The following NEDD4L variants were observed in gnomAD, a reference collection of about 807,000 sequenced individuals.
The protein encoded by NEDD4L is E3 ubiquitin-protein ligase NEDD4-like.
Under a neutral mutation model 148.9 loss-of-function variants are expected in NEDD4L, and 54 were observed. That is an observed-to-expected ratio of 0.36 (90% confidence interval 0.29 to 0.45). NEDD4L has a LOEUF of 0.45. Ranked by LOEUF, NEDD4L falls within the 20% of genes least tolerant of loss-of-function variation. The pLI is 1.00. For synonymous variants in NEDD4L, 433 were observed against 440.7 expected (o/e 0.98, Z 0.22); for missense variants, 856 against 1,233.8 (o/e 0.69, Z 4.59).
At position 58,188,971 on chromosome 18, in the gene NEDD4L, G is replaced by A. The variant is rs573764599; in HGVS notation, c.122+23110G>A. The stretch of plus-strand genomic sequence containing the variant: ...CTTCTCTCCCGGGCCACTTTGTCAT[G>A]AGCAGGATTTTGAACCAAGACCTTT... On this transcript the variant is annotated intron_variant, in intron 2 of 30. Transcript: ENST00000400345. 4.6e-5 allele frequency among the ~76,000 whole-genome samples: 7 copies of A among 152,068 alleles called. No individual in the cohort carries two copies. The South Asian group carries it at 8.3e-4, about 18-fold the overall frequency.
chr18:58,047,412 A>T, intron 1 of NEDD4L: 1 of 984,668 alleles, frequency 1.0e-6, no homozygotes, highest in Non-Finnish European at 1.2e-6. Flanking sequence ...ACTGCTGATG[A>T]TGAAGCATTG....
chr18:58,281,949 C>T (rs1325550747), intron 5 of NEDD4L, among the ~76,000 whole-genome samples: 3 of 150,960 alleles, frequency 2.0e-5, no homozygotes, highest in African/African-American at 4.9e-5. Flanking sequence ...GGCATGAACC[C>T]GGGAGGCGGA....
At position 58,240,815 on chromosome 18, in the gene NEDD4L, T is replaced by TTATATATG. The variant is rs1555757964; in HGVS notation, c.123-4609_123-4608insATATGTAT. On this transcript the variant is annotated intron_variant, in intron 2 of 30. Transcript: ENST00000400345. ...GGAGGATGATGGCGGCAGCTAACAT[T>TTATATATG]TATGTATGTATGTATGTATTTAGAG... 2.7e-5 allele frequency among the ~76,000 whole-genome samples: 4 copies of TTATATATG among 150,790 alleles called. No individual in the cohort carries two copies. The East Asian group carries it at 7.8e-4, about 30-fold the overall frequency.
At chr18:58,345,747 A>AT (rs1485432242) in intron 16 of NEDD4L, among the ~76,000 whole-genome samples, 6 of 151,438 alleles carry the variant, frequency 4.0e-5, no homozygotes, top group Non-Finnish European at 8.8e-5. Flanking sequence ...TTTAATTATT[A>AT]TTTTTTTTGT....
intron 24 of NEDD4L, among the ~76,000 whole-genome samples, chr18:58,375,231 C>T (rs577697891): frequency 9.1e-4 from 139 of 152,118 alleles, no homozygotes; most frequent in Non-Finnish European, 1.6e-3. Flanking sequence ...AGCCCTGCTC[C>T]GATCACTTCT....
In NEDD4L at chr18:58,126,329, T is replaced by C. The variant is rs191627836; in HGVS notation, c.49-39459T>C. Among the ~76,000 whole-genome samples, 4 of 152,260 alleles carry C rather than the reference T, an allele frequency of 2.6e-5. No homozygotes were observed. The East Asian group carries it at 7.7e-4, about 29-fold the overall frequency. On this transcript the variant is annotated intron_variant, in intron 1 of 30. Coordinates refer to ENST00000400345, the MANE Select transcript of NEDD4L (RefSeq NM_001144967.3). ...TCCCCTGAGCCCCTGGAGAACCCTA[T>C]CTTTCTGTCTCTGTAGGTGTGCTGA...
intron 5 of NEDD4L, among the ~76,000 whole-genome samples, chr18:58,315,175 T>C (rs369455011): frequency 1.6e-3 from 239 of 152,282 alleles, no homozygotes; most frequent in African/African-American, 5.6e-3. Context: ...TCCAGTTTGC[T>C]TCTCGGGTCA....
chr18:58,387,234 C>G (rs1026790320), intron 26 of NEDD4L, among the ~76,000 whole-genome samples: 1 of 152,192 alleles, frequency 6.6e-6, no homozygotes, highest in Non-Finnish European at 1.5e-5. Flanking sequence ...CTTGAATCTT[C>G]TAGATTCTAT....
At chr18:58,045,095 A>T in intron 1 of NEDD4L, 2 of 400,000 alleles carry the variant, frequency 5.0e-6, no homozygotes, top group Non-Finnish European at 8.8e-6. Context: ...GATGCATGTC[A>T]CGTCTGGGTC....
At position 58,096,361 on chromosome 18, in the gene NEDD4L, AT is replaced by A. The variant is rs773990327; in HGVS notation, c.48+51657del. 3.9e-4 allele frequency among the ~76,000 whole-genome samples: 25 copies of A among 63,896 alleles called. 1 individual carries two copies. The highest frequency in any genetic ancestry group is 2.4e-3 in the African/African-American group (24 of 9,852). The allele number at this position is 63,896 out of a possible 152,430, so 41.9% of individuals were successfully genotyped here. On this transcript the variant is annotated intron_variant, in intron 1 of 30. Coordinates refer to ENST00000400345, the MANE Select transcript of NEDD4L (RefSeq NM_001144967.3). Reference sequence around the variant, plus strand: ...TATTTTATTTTATTTATTTTATTTTATTTTATTTTATTTTATTTTATTTTAT... The same window carrying A: ...TATTTTATTTTATTTATTTTATTTTATTTATTTTATTTTATTTTATTTTAT...
intron 20 of NEDD4L, among the ~76,000 whole-genome samples, chr18:58,364,626 C>T (rs1168101531): frequency 6.6e-6 from 1 of 152,066 alleles, no homozygotes; most frequent in Non-Finnish European, 1.5e-5. Context: ...ATTCAGAACC[C>T]TAGTCACAAA....
At chr18:58,251,767 G>A (rs1157920640) in intron 4 of NEDD4L, among the ~76,000 whole-genome samples, 2 of 152,150 alleles carry the variant, frequency 1.3e-5, no homozygotes, top group Non-Finnish European at 2.9e-5. Context: ...TAGAAAAACA[G>A]CTAAGAGCCT....
At chr18:58,310,037 C>G (rs964551811) in intron 5 of NEDD4L, among the ~76,000 whole-genome samples, 23 of 152,092 alleles carry the variant, frequency 1.5e-4, no homozygotes, top group Middle Eastern at 3.2e-3. Flanking sequence ...CTCGCTCTCA[C>G]TCTCACTCTT....
intron 20 of NEDD4L, among the ~76,000 whole-genome samples, chr18:58,365,108 C>T (rs1568858725): frequency 6.6e-6 from 1 of 152,224 alleles, no homozygotes; most frequent in East Asian, 1.9e-4. Context: ...CTGGTTCCTC[C>T]TGCCCGGGAA....
At chr18:58,355,084 G>A (rs547425315) in intron 18 of NEDD4L, among the ~76,000 whole-genome samples, 1 of 152,332 alleles carries the variant, frequency 6.6e-6, no homozygotes, top group Non-Finnish European at 1.5e-5. Flanking sequence ...AGCTCCCAGG[G>A]GATTTCCCAG....
intron 2 of NEDD4L, among the ~76,000 whole-genome samples, chr18:58,211,458 T>A (rs1295903944): frequency 6.6e-6 from 1 of 152,244 alleles, no homozygotes; most frequent in Non-Finnish European, 1.5e-5. Context: ...TAGGAAGACA[T>A]TGAACTAATA....
At chr18:58,192,822 G>A (rs144544427) in intron 2 of NEDD4L, among the ~76,000 whole-genome samples, 5 of 152,134 alleles carry the variant, frequency 3.3e-5, no homozygotes, top group African/African-American at 1.2e-4. Flanking sequence ...AGCTGAGCCT[G>A]GCACTTGAAC....
chr18:58,388,196 CTG>C (rs1204056466), intron 27 of NEDD4L: 1 of 152,270 alleles, frequency 6.6e-6, no homozygotes, highest in Non-Finnish European at 1.5e-5. Flanking sequence ...AGGGGAAAGA[CTG>C]TCTGTTGAGA....
At chr18:58,067,374 A>G (rs1288752612) in intron 1 of NEDD4L, among the ~76,000 whole-genome samples, 1 of 152,236 alleles carries the variant, frequency 6.6e-6, no homozygotes, top group African/African-American at 2.4e-5. Flanking sequence ...GAAATGATTT[A>G]GAGTCCTGGT....
Sources: allele counts gnomAD v4.1 joint callset (sites outside exome capture counted in the v4.1 genomes callset), GRCh38; gene constraint gnomAD v4.1.1; transcripts MANE v1.5; gene names NCBI Gene and HGNC (gene_info 2026-07-23, HGNC 2026-07-21).